The following ABHD2 variants were observed in gnomAD, a reference collection of about 807,000 sequenced individuals.
ABHD2 encodes the protein abhydrolase domain containing 2, acylglycerol lipase, also known as monoacylglycerol lipase ABHD2.
A neutral mutation model predicts 48.1 loss-of-function variants in ABHD2; 20 were observed. The ratio of observed to expected loss-of-function variants is 0.42; its 90% CI spans 0.29 to 0.60. ABHD2 has a LOEUF of 0.60. ABHD2 is among the 20% of genes least tolerant of loss of function. ABHD2 has a pLI of 0.24. For synonymous variants in ABHD2, 209 were observed against 214.2 expected (o/e 0.98, Z 0.21); for missense variants, 405 against 550.9 (o/e 0.74, Z 2.65).
chr15:89,185,910 C>T lies in ABHD2; in HGVS notation c.815+394C>T, dbSNP rs1048192463. Among the ~76,000 whole-genome samples, 25 of 152,194 alleles carry T rather than the reference C, an allele frequency of 1.6e-4. No homozygotes were observed. The highest frequency in any genetic ancestry group is 4.8e-4 in the African/African-American group (20 of 41,528). On this transcript the variant is annotated intron_variant, in intron 7 of 10. Coordinates refer to ENST00000352732, the MANE Select transcript of ABHD2 (RefSeq NM_152924.5). The surrounding 1 kb of genome is among the most constrained non-coding windows in gnomAD (Gnocchi z 5.9). ...TGAACCCAGGAGGCGGAGGCTGCAG[C>T]GAGCCAAGATTGCGCCAATGCACCC...
At chr15:89,172,077 AAC>A (rs1448178315) in intron 5 of ABHD2, among the ~76,000 whole-genome samples, 1 of 152,112 alleles carries the variant, frequency 6.6e-6, no homozygotes, top group African/African-American at 2.4e-5. Flanking sequence ...CAGGTTGAAG[AAC>A]ACTACTTTAG....
At position 89,182,919 on chromosome 15, in the gene ABHD2, C is replaced by T. The variant is rs954586367; in HGVS notation, c.723-2505C>T. Among the ~76,000 whole-genome samples, 1 of 152,156 alleles carries T rather than the reference C, an allele frequency of 6.6e-6. No individual in the cohort carries two copies. Among genetic ancestry groups the T allele is most frequent in the African/African-American group, 2.4e-5 (1 of 41,440 alleles). ...CATCTAAAATTGAACCCCAGTGTAG[C>T]CACTACCAGCTCCAATAACATGAAT... On this transcript the variant is annotated intron_variant, in intron 6 of 10. Transcript: ENST00000352732. This position sits in a 1 kb window ranked among gnomAD's most constrained non-coding sequence, Gnocchi z 4.8.
Position 89,168,971 on chromosome 15 carries a change from A to G in ABHD2, c.539-6841A>G, listed in dbSNP as rs1178852809. On this transcript the variant is annotated intron_variant, in intron 5 of 10. Transcript: ENST00000352732. The surrounding 1 kb of genome is among the most constrained non-coding windows in gnomAD (Gnocchi z 4.8). ...GCTGGGTTTGGTGGCATGTGCCTAT[A>G]GTCCCAGCTACTCAAGAGGCTAAGG... Among the ~76,000 whole-genome samples, 4 of 152,182 alleles carry G rather than the reference A, an allele frequency of 2.6e-5. No individual in the cohort carries two copies. Among genetic ancestry groups the G allele is most frequent in the South Asian group, 2.1e-4 (1 of 4,826 alleles).
At chr15:89,043,178 G>A in the ABHD2 span, among the ~76,000 whole-genome samples, 1 of 152,220 alleles carries the variant, frequency 6.6e-6, no homozygotes. Flanking sequence ...ACAGACAGAA[G>A]TAAGACATAC....
the ABHD2 span, among the ~76,000 whole-genome samples, chr15:89,050,610 G>A: frequency 2.0e-5 from 3 of 152,196 alleles, no homozygotes; most frequent in Admixed American, 2.0e-4. Context: ...TCCCGTTTTT[G>A]TTGGAGCAAG....
chr15:89,138,607 C>T (rs917301543), intron 3 of ABHD2, among the ~76,000 whole-genome samples: 12 of 152,160 alleles, frequency 7.9e-5, no homozygotes, highest in African/African-American at 2.4e-4. Context: ...TTGTGAGAAA[C>T]ATGCAAAACG....
chr15:89,083,011 C>T (rs533721229), upstream of ABHD2, among the ~76,000 whole-genome samples: 2 of 152,228 alleles, frequency 1.3e-5, no homozygotes, highest in East Asian at 3.9e-4. The surrounding 1 kb of genome is among the most constrained non-coding windows in gnomAD (Gnocchi z 5.1). Context: ...CCTGCCACCA[C>T]GCTGGGCTAA....
At chr15:89,059,855 G>T in the ABHD2 span, among the ~76,000 whole-genome samples, 1 of 152,198 alleles carries the variant, frequency 6.6e-6, no homozygotes, top group East Asian at 1.9e-4. Flanking sequence ...GTCCGTGGCC[G>T]AAGGAAAACC....
At chr15:89,080,187 C>T in the ABHD2 span, among the ~76,000 whole-genome samples, 562 of 152,312 alleles carry the variant, frequency 3.7e-3, 5 homozygotes, top group East Asian at 0.049. Flanking sequence ...ATAAGGGGGC[C>T]ACTGTCTCTG....
chr15:89,121,314 A>G (rs913952284), intron 3 of ABHD2, among the ~76,000 whole-genome samples: 1 of 152,152 alleles, frequency 6.6e-6, no homozygotes, highest in Non-Finnish European at 1.5e-5. Context: ...GTTAGCAAAC[A>G]TCAGAGTGGT....
At chr15:89,045,467 T>C in the ABHD2 span, among the ~76,000 whole-genome samples, 2 of 152,234 alleles carry the variant, frequency 1.3e-5, no homozygotes, top group Admixed American at 6.5e-5. Context: ...GGGGATGGCA[T>C]TGAATCTATA....
At chr15:89,183,378 AAAAAAAAT>A (rs1338516786) in intron 6 of ABHD2, 4 of 59,550 alleles carry the variant, frequency 6.7e-5, no homozygotes, top group Non-Finnish European at 9.0e-5. Context: ...CAAAAAAAAA[AAAAAAAAT>A]ATATATATAT....
chr15:89,098,315 T>C (rs2049646491), intron 1 of ABHD2, among the ~76,000 whole-genome samples: 1 of 152,200 alleles, frequency 6.6e-6, no homozygotes, highest in Non-Finnish European at 1.5e-5. Flanking sequence ...GCTAGAGTCC[T>C]CACAGCTGGG....
At chr15:89,066,535 G>T in the ABHD2 span, among the ~76,000 whole-genome samples, 2 of 152,126 alleles carry the variant, frequency 1.3e-5, no homozygotes, top group Admixed American at 6.5e-5. Flanking sequence ...GATACCAGGG[G>T]TTAGGACTTG....
the ABHD2 span, among the ~76,000 whole-genome samples, chr15:89,053,694 G>A: frequency 0.14 from 21,592 of 152,166 alleles, 1,657 homozygotes; most frequent in South Asian, 0.28. Flanking sequence ...CTTTGGGAGC[G>A]ACAAGAGAAG....
chr15:89,111,736 C>T (rs983871456), intron 1 of ABHD2, among the ~76,000 whole-genome samples: 1 of 152,174 alleles, frequency 6.6e-6, no homozygotes, highest in African/African-American at 2.4e-5. Flanking sequence ...AAAGCATTCA[C>T]CAGTCTTATA....
At position 89,195,685 on chromosome 15, in the gene ABHD2, T is replaced by G. The variant is rs1369121227; in HGVS notation, c.*262T>G. 9.7e-6 allele frequency: 4 copies of G among 411,176 alleles called. No individual in the cohort carries two copies. Among genetic ancestry groups the G allele is most frequent in the Non-Finnish European group, 1.7e-5 (4 of 230,112 alleles). The allele number at this position is 411,176 out of a possible 1,614,324, so 25.5% of individuals were successfully genotyped here. Reference sequence around the variant, plus strand: ...CAGAGTTCTTGCCCTCTGTCCAGTTTCAGCATCTGGTTGCTTTTAAGCCAA... The same window carrying G: ...CAGAGTTCTTGCCCTCTGTCCAGTTGCAGCATCTGGTTGCTTTTAAGCCAA... On this transcript the variant is annotated 3_prime_UTR_variant, in exon 11 of 11. Transcript: ENST00000352732. This position sits in a 1 kb window ranked among gnomAD's most constrained non-coding sequence, Gnocchi z 5.1.
chr15:89,061,188 C>T, the ABHD2 span, among the ~76,000 whole-genome samples: 3 of 151,908 alleles, frequency 2.0e-5, no homozygotes, highest in African/African-American at 4.8e-5. Flanking sequence ...GAGGCCAAGG[C>T]AGGTGGATCA....
the ABHD2 span, among the ~76,000 whole-genome samples, chr15:89,042,387 T>G: frequency 1.3e-5 from 2 of 152,152 alleles, no homozygotes; most frequent in Non-Finnish European, 2.9e-5. Context: ...GAGACACTTT[T>G]CTTATTGAAG....
Sources: gnomAD v4.1 joint callset for allele counts (sites outside exome capture counted in the v4.1 genomes callset) on GRCh38, gnomAD v4.1.1 for gene constraint, Gnocchi (gnomAD v3.1) non-coding constraint, MANE v1.5 for transcripts, NCBI Gene and HGNC (gene_info 2026-07-23, HGNC 2026-07-21) for gene names.